The following SPAG16 variants were observed in gnomAD, a reference collection of about 807,000 sequenced individuals.
SPAG16 encodes the protein sperm-associated antigen 16 protein.
Under a neutral mutation model 80.4 loss-of-function variants are expected in SPAG16, and 86 were observed. The observed-to-expected ratio is 1.07, with a 90% CI of 0.90 to 1.28. The LOEUF (loss-of-function observed/expected upper bound fraction) is 1.28, where lower values mean the gene tolerates loss of function less well. Among genes scored for constraint, SPAG16 ranks in the 50% most tolerant of loss-of-function variants. SPAG16 has a pLI of 0.00. For missense variants in SPAG16, 870 were observed against 765.3 expected (o/e 1.14, Z -1.61); for synonymous variants, 294 against 265.9 (o/e 1.11, Z -1.03).
At chr2:213,620,091 T>C (rs1266414429) in intron 10 of SPAG16, among the ~76,000 whole-genome samples, 1 of 151,688 alleles carries the variant, frequency 6.6e-6, no homozygotes. Context: ...CTCACTCAGG[T>C]GGGAGCTAAA....
At chr2:213,800,244 C>T (rs537770824) in intron 10 of SPAG16, among the ~76,000 whole-genome samples, 3 of 152,038 alleles carry the variant, frequency 2.0e-5, no homozygotes, top group Non-Finnish European at 4.4e-5. Context: ...GTTGTTAAAT[C>T]ATGCTTCTGC....
chr2:214,148,280 TA>T (rs2125563348), intron 14 of SPAG16, among the ~76,000 whole-genome samples: 1 of 152,212 alleles, frequency 6.6e-6, no homozygotes, highest in South Asian at 2.1e-4. Flanking sequence ...AGATGCTCAA[TA>T]AACATTTCCT....
intron 9 of SPAG16, among the ~76,000 whole-genome samples, chr2:213,411,797 A>G (rs766461848): frequency 1.3e-5 from 2 of 152,164 alleles, no homozygotes; most frequent in Non-Finnish European, 2.9e-5. Context: ...GCAGAGGCTC[A>G]TAAAAACGGC....
chr2:214,299,838 T>C (rs1388024310), intron 15 of SPAG16, among the ~76,000 whole-genome samples: 1 of 152,210 alleles, frequency 6.6e-6, no homozygotes, highest in Non-Finnish European at 1.5e-5. Flanking sequence ...AATTTTTCTC[T>C]TTTTGAAGTA....
At chr2:214,146,382 G>C (rs1003311429) in intron 14 of SPAG16, among the ~76,000 whole-genome samples, 26 of 152,198 alleles carry the variant, frequency 1.7e-4, no homozygotes, top group African/African-American at 6.3e-4. Context: ...AATATTCTAA[G>C]TATTGATTCT....
chr2:213,385,218 T>C (rs2067365321), intron 9 of SPAG16, among the ~76,000 whole-genome samples: 2 of 152,226 alleles, frequency 1.3e-5, no homozygotes, highest in Non-Finnish European at 2.9e-5. Flanking sequence ...TCTGAGTATT[T>C]AGATCCTCCT....
chr2:214,085,186 A>G (rs1161093587), intron 13 of SPAG16, among the ~76,000 whole-genome samples: 1 of 152,144 alleles, frequency 6.6e-6, no homozygotes, highest in African/African-American at 2.4e-5. Context: ...AAGCAAAAGA[A>G]AGTAGGACGA....
At chr2:214,176,960 A>C (rs923224248) in intron 15 of SPAG16, among the ~76,000 whole-genome samples, 1 of 151,304 alleles carries the variant, frequency 6.6e-6, no homozygotes, top group Non-Finnish European at 1.5e-5. Flanking sequence ...TTTTTAAAAA[A>C]ATTTCTATTT....
At chr2:213,846,268 T>A (rs1226490684) in intron 10 of SPAG16, among the ~76,000 whole-genome samples, 2 of 152,086 alleles carry the variant, frequency 1.3e-5, no homozygotes, top group Non-Finnish European at 2.9e-5. Context: ...TTAGAAAGAT[T>A]GAGAACTTAT....
intron 10 of SPAG16, among the ~76,000 whole-genome samples, chr2:213,594,827 G>C (rs968132614): frequency 6.6e-6 from 1 of 152,050 alleles, no homozygotes; most frequent in Non-Finnish European, 1.5e-5. Context: ...TTGAACATAT[G>C]TTCTTTTAAA....
At chr2:213,376,679 G>C (rs902916890) in intron 9 of SPAG16, among the ~76,000 whole-genome samples, 2 of 151,916 alleles carry the variant, frequency 1.3e-5, no homozygotes, top group Non-Finnish European at 2.9e-5. Context: ...TTACTGACTT[G>C]ATTTGAATTA....
chr2:213,987,823 CATATTT>C (rs1260355032), intron 12 of SPAG16, among the ~76,000 whole-genome samples: 5 of 146,024 alleles, frequency 3.4e-5, no homozygotes, highest in Non-Finnish European at 7.5e-5. Flanking sequence ...TATATATATA[CATATTT>C]ATATTATAAA....
intron 13 of SPAG16, among the ~76,000 whole-genome samples, chr2:214,036,071 ATTAAT>A (rs1344660509): frequency 6.6e-6 from 1 of 152,140 alleles, no homozygotes; most frequent in Non-Finnish European, 1.5e-5. Context: ...ATTTATTTTT[ATTAAT>A]TTATTTTCTA....
chr2:214,285,535 G>A (rs10183622), intron 15 of SPAG16, among the ~76,000 whole-genome samples: 14,442 of 152,120 alleles, frequency 0.095, 727 homozygotes, highest in Middle Eastern at 0.14. Context: ...CTAGCCGGGC[G>A]TGGTGGCTCA....
At position 213,946,717 on chromosome 2, in the gene SPAG16, T is replaced by C. The variant is rs1019862372; in HGVS notation, c.1400+16572T>C. The stretch of plus-strand genomic sequence containing the variant: ...ACAGTTTCTACATGCAGATTTTTGG[T>C]ATGTGTGTGTATAGTTCTACAAAAT... On this transcript the variant is annotated intron_variant, in intron 12 of 15. Coordinates refer to ENST00000331683, the MANE Select transcript of SPAG16 (RefSeq NM_024532.5). Among the ~76,000 whole-genome samples, 6 of 152,208 alleles carry C rather than the reference T, an allele frequency of 3.9e-5. 1 individual carries two copies. Among genetic ancestry groups the C allele is most frequent in the Admixed American group, 3.3e-4 (5 of 15,274 alleles).
intron 15 of SPAG16, among the ~76,000 whole-genome samples, chr2:214,208,215 AAG>A (rs2058199233): frequency 6.6e-6 from 1 of 152,194 alleles, no homozygotes; most frequent in Non-Finnish European, 1.5e-5. Flanking sequence ...GATAACATAA[AAG>A]AGAATAATTT....
intron 15 of SPAG16, among the ~76,000 whole-genome samples, chr2:214,215,770 C>T (rs907717378): frequency 6.6e-6 from 1 of 152,194 alleles, no homozygotes; most frequent in East Asian, 1.9e-4. Context: ...GCAATACACT[C>T]CTCTGTCAAC....
chr2:213,793,776 G>A (rs1006820011), intron 10 of SPAG16, among the ~76,000 whole-genome samples: 6 of 152,142 alleles, frequency 3.9e-5, no homozygotes, highest in Admixed American at 2.0e-4. Context: ...TAGTTTCTTC[G>A]CTCTGTGGTC....
At chr2:213,284,860 G>A in intron 1 of SPAG16, 1 of 508,172 alleles carries the variant, frequency 2.0e-6, no homozygotes, top group Non-Finnish European at 3.4e-6. Flanking sequence ...ACCTTCCAAG[G>A]CCTCATACTT....
Sources: allele counts gnomAD v4.1 joint callset (sites outside exome capture counted in the v4.1 genomes callset), GRCh38; gene constraint gnomAD v4.1.1; transcripts MANE v1.5; gene names NCBI Gene and HGNC (gene_info 2026-07-23, HGNC 2026-07-21).